ZNF385B: variants seen among roughly 807,000 people sequenced by gnomAD.
ZNF385B encodes zinc finger protein 385B, also known as zinc finger protein 533.
In ZNF385B, 23 loss-of-function variants were observed where a neutral mutation model predicts 39.2. The ratio of observed to expected loss-of-function variants is 0.59; its 90% CI spans 0.42 to 0.83. The LOEUF (loss-of-function observed/expected upper bound fraction) is 0.83, where lower values mean the gene tolerates loss of function less well. ZNF385B is among the 40% of genes least tolerant of loss of function. The pLI, the probability that ZNF385B is intolerant of heterozygous loss-of-function variation, is 0.00. For synonymous variants in ZNF385B, 205 were observed against 222.6 expected (o/e 0.92, Z 0.70); for missense variants, 552 against 598.9 (o/e 0.92, Z 0.82).
intron 3 of ZNF385B, among the ~76,000 whole-genome samples, chr2:179,656,486 G>A (rs888401226): frequency 3.3e-5 from 5 of 152,136 alleles, no homozygotes; most frequent in Non-Finnish European, 7.4e-5. Context: ...AAAGGGTAAT[G>A]GCACAGCAGC....
chr2:179,636,553 T>C lies in ZNF385B; in HGVS notation c.299-91584A>G, dbSNP rs538610081. On this transcript the variant is annotated intron_variant, in intron 3 of 9. Coordinates refer to ENST00000410066, the MANE Select transcript of ZNF385B (RefSeq NM_152520.6). ...TTAAAATCCCTCACTTTAGCAAATA[T>C]TACGAAAACATATGATCACGTGGAC... 3.9e-5 allele frequency among the ~76,000 whole-genome samples: 6 copies of C among 152,250 alleles called. No individual in the cohort carries two copies. The East Asian group carries it at 9.7e-4, about 25-fold the overall frequency.
At chr2:179,523,518 G>A (rs2058658434) in intron 4 of ZNF385B, among the ~76,000 whole-genome samples, 3 of 152,022 alleles carry the variant, frequency 2.0e-5, no homozygotes, top group African/African-American at 7.2e-5. Flanking sequence ...ATGAATCTAA[G>A]ATGGGGGCTG....
At chr2:179,509,655 T>A (rs904287280) in intron 5 of ZNF385B, among the ~76,000 whole-genome samples, 3 of 152,226 alleles carry the variant, frequency 2.0e-5, no homozygotes, top group African/African-American at 7.2e-5. Context: ...GGCAAAAATG[T>A]AAAATGTTTG....
At chr2:179,572,371 C>G (rs1685320716) in intron 3 of ZNF385B, among the ~76,000 whole-genome samples, 1 of 152,038 alleles carries the variant, frequency 6.6e-6, no homozygotes, top group Non-Finnish European at 1.5e-5. Flanking sequence ...CCTGAACACA[C>G]AGACATTTAA....
At chr2:179,677,913 C>A (rs901262558) in intron 3 of ZNF385B, among the ~76,000 whole-genome samples, 3 of 152,160 alleles carry the variant, frequency 2.0e-5, no homozygotes, top group Non-Finnish European at 4.4e-5. Flanking sequence ...CTCAGTACTT[C>A]CAATTTGCAT....
intron 3 of ZNF385B, among the ~76,000 whole-genome samples, chr2:179,547,278 G>A (rs1480452774): frequency 6.7e-6 from 1 of 149,372 alleles, no homozygotes; most frequent in Non-Finnish European, 1.5e-5. Context: ...TATTACTCAA[G>A]AAATTTTTGC....
chr2:179,584,866 T>C (rs1055622413), intron 3 of ZNF385B, among the ~76,000 whole-genome samples: 2 of 152,010 alleles, frequency 1.3e-5, no homozygotes. Flanking sequence ...AGGGAGAGTG[T>C]AGTGTTTGAA....
intron 1 of ZNF385B, among the ~76,000 whole-genome samples, chr2:179,845,455 A>T (rs1022090524): frequency 1.3e-5 from 2 of 152,224 alleles, no homozygotes; most frequent in Non-Finnish European, 2.9e-5. Context: ...GCCAGTACAA[A>T]AATGTCATTC....
At chr2:179,515,334 T>C (rs1052251272) in intron 5 of ZNF385B, among the ~76,000 whole-genome samples, 1 of 152,302 alleles carries the variant, frequency 6.6e-6, no homozygotes, top group African/African-American at 2.4e-5. Flanking sequence ...AAATGGTGCA[T>C]CTTTTGCACG....
At chr2:179,789,869 A>G (rs951906255) in intron 1 of ZNF385B, among the ~76,000 whole-genome samples, 22 of 152,224 alleles carry the variant, frequency 1.4e-4, no homozygotes, top group African/African-American at 5.1e-4. Flanking sequence ...AAGGAAATAA[A>G]TATAAGAAAA....
At chr2:179,639,036 T>C (rs1037558243) in intron 3 of ZNF385B, among the ~76,000 whole-genome samples, 2 of 151,918 alleles carry the variant, frequency 1.3e-5, no homozygotes, top group Admixed American at 6.6e-5. Flanking sequence ...CTGGGCAACA[T>C]GACAACAATC....
intron 4 of ZNF385B, among the ~76,000 whole-genome samples, chr2:179,544,451 T>G (rs2060104065): frequency 6.8e-6 from 1 of 146,214 alleles, no homozygotes; most frequent in Admixed American, 6.7e-5. Flanking sequence ...CTACAGTCAT[T>G]TTTTTTTTTC....
rs115218079 is a variant in ZNF385B, at chr2:179,768,807, T to C, written c.298+696A>G. On this transcript the variant is annotated intron_variant, in intron 3 of 9. Coordinates refer to ENST00000410066, the MANE Select transcript of ZNF385B (RefSeq NM_152520.6). ...GAGGAGGGGCTGCCCAAGGATAAGA[T>C]AAAGGATTTGAAAGATTGTTTAGAA... 3.4e-3 allele frequency among the ~76,000 whole-genome samples: 522 copies of C among 152,328 alleles called. 7 individuals are homozygous for C. The highest frequency in any genetic ancestry group is 0.012 in the African/African-American group (502 of 41,566).
chr2:179,655,797 G>A (rs941440123), intron 3 of ZNF385B, among the ~76,000 whole-genome samples: 1 of 152,130 alleles, frequency 6.6e-6, no homozygotes, highest in African/African-American at 2.4e-5. Context: ...CCCAGTAAGG[G>A]AATAACATTC....
At chr2:179,807,898 G>GAAAGAAAGAAAGAA (rs1706470596) in intron 1 of ZNF385B, among the ~76,000 whole-genome samples, 2 of 36,778 alleles carry the variant, frequency 5.4e-5, no homozygotes. Context: ...CCGTCTGAAA[G>GAAAGAAAGAAAGAA]AAAGAAAGAA....
At chr2:179,497,255 A>G (rs2056312447) in intron 5 of ZNF385B, among the ~76,000 whole-genome samples, 1 of 152,214 alleles carries the variant, frequency 6.6e-6, no homozygotes, top group Non-Finnish European at 1.5e-5. Flanking sequence ...AACACAGAAT[A>G]AGATAACACT....
rs1437343442 is a variant in ZNF385B, at chr2:179,444,924, T to C, written c.1194A>G (p.Pro398=). ...KDRVAGKPLK[P]KYSPYNKLQR... is the part of the protein sequence containing the mutation. The stretch of plus-strand genomic sequence containing the variant: ...GGAGTTTGTTGTAAGGGCTGTATTT[T>C]GGCTTCAGTGGTTTCCCTGCAACTC... The change falls in exon 9 of 10, where the codon CCA becomes CCG. Residue 398 remains proline, a synonymous_variant. Coordinates refer to ENST00000410066, the MANE Select transcript of ZNF385B (RefSeq NM_152520.6). 3 of 1,614,228 alleles carry C rather than the reference T, an allele frequency of 1.9e-6. No individual in the cohort carries two copies. Among genetic ancestry groups the C allele is most frequent in the Non-Finnish European group, 2.5e-6 (3 of 1,180,022 alleles).
intron 3 of ZNF385B, among the ~76,000 whole-genome samples, chr2:179,576,820 C>T (rs949962554): frequency 2.0e-5 from 3 of 152,140 alleles, no homozygotes; most frequent in Non-Finnish European, 2.9e-5. Context: ...TAAGCCATAT[C>T]CACATGGGCT....
chr2:179,446,645 T>G lies in ZNF385B; in HGVS notation c.841A>C (p.Thr281Pro). ...ACAACAGTACCGGGAGCTCCATTTGTGCTCTTGGAGGGAGAAGTGGCTGCT... is the reference window on the plus strand; with the variant it reads ...ACAACAGTACCGGGAGCTCCATTTGGGCTCTTGGAGGGAGAAGTGGCTGCT... ...PGAATSPSKS[T>P]NGAPGTVVES... is the part of the protein sequence containing the mutation. Residue 281 changes from threonine to proline, a missense_variant, in exon 7 of 10, where the codon ACA (threonine) becomes CCA (proline). By Grantham distance (38) the Thr-to-Pro change is conservative. Transcript: ENST00000410066. 8.7e-6 allele frequency: 14 copies of G among 1,614,140 alleles called. No homozygotes were observed. The highest frequency in any genetic ancestry group is 1.2e-5 in the Non-Finnish European group (14 of 1,180,008).
Sources: gnomAD v4.1 joint callset for allele counts (sites outside exome capture counted in the v4.1 genomes callset) on GRCh38, gnomAD v4.1.1 for gene constraint, MANE v1.5 for transcripts, NCBI Gene and HGNC (gene_info 2026-07-23, HGNC 2026-07-21) for gene names.